CMIP: variants seen among roughly 807,000 people sequenced by gnomAD.
CMIP encodes the protein c-Maf inducing protein.
A neutral mutation model predicts 97.3 loss-of-function variants in CMIP; 13 were observed. The ratio of observed to expected loss-of-function variants is 0.13; its 90% CI spans 0.09 to 0.21. The LOEUF (loss-of-function observed/expected upper bound fraction) is 0.21, where lower values mean the gene tolerates loss of function less well. Ranked by LOEUF, CMIP falls within the 10% of genes least tolerant of loss-of-function variation. The probability of loss-of-function intolerance (pLI) is 1.00; values close to 1 mark genes in which losing one functional copy is unlikely to be tolerated. For missense variants in CMIP, 847 were observed against 1,024.9 expected (o/e 0.83, Z 2.37); for synonymous variants, 538 against 436.3 (o/e 1.23, Z -2.91).
intron 9 of CMIP, among the ~76,000 whole-genome samples, chr16:81,675,466 C>T (rs898360756): frequency 1.3e-5 from 2 of 151,852 alleles, no homozygotes; most frequent in Non-Finnish European, 2.9e-5. Flanking sequence ...TGAAATGCCC[C>T]CCTTAGCCTC....
intron 1 of CMIP, among the ~76,000 whole-genome samples, chr16:81,479,106 G>T (rs969475909): frequency 1.3e-5 from 2 of 152,154 alleles, no homozygotes; most frequent in African/African-American, 2.4e-5. Context: ...GTTTTTCCTG[G>T]GGGGAGGGGG....
At chr16:81,565,536 C>T (rs1055057942) in intron 1 of CMIP, among the ~76,000 whole-genome samples, 2 of 152,242 alleles carry the variant, frequency 1.3e-5, no homozygotes, top group African/African-American at 2.4e-5. Context: ...CCAGTCTTCA[C>T]ATCCCCCAGA....
In CMIP at chr16:81,709,834, C is replaced by A. The variant is rs542882672; in HGVS notation, c.*35C>A. 1.2e-5 allele frequency: 19 copies of A among 1,611,780 alleles called. No individual in the cohort carries two copies. The highest frequency in any genetic ancestry group is 6.6e-5 in the South Asian group (6 of 90,850). ...CTCAAGGCAGGAAGACGTTTGCAAC[C>A]GCGACAAAATAACTCTTGACTAACA... On this transcript the variant is annotated 3_prime_UTR_variant, in exon 21 of 21. Transcript: ENST00000537098.
At chr16:81,568,252 C>G (rs1196264402) in intron 1 of CMIP, among the ~76,000 whole-genome samples, 1 of 151,998 alleles carries the variant, frequency 6.6e-6, no homozygotes, top group African/African-American at 2.4e-5. Flanking sequence ...CTGGCCTCAC[C>G]CTTGGCTCTG....
rs571580191 is a variant in CMIP, at chr16:81,508,665, T to TG, written c.300+63124_300+63125insG. The stretch of plus-strand genomic sequence containing the variant: ...AGGTTATGCACCTCTGGAATATTGA[T>TG]AGGTATTTACAGACTGCATTGGGAG... On this transcript the variant is annotated intron_variant, in intron 1 of 20. Coordinates refer to ENST00000537098, the MANE Select transcript of CMIP (RefSeq NM_198390.3). 2.8e-3 allele frequency among the ~76,000 whole-genome samples: 434 copies of TG among 152,344 alleles called. 1 individual carries two copies. The highest frequency in any genetic ancestry group is 9.9e-3 in the African/African-American group (411 of 41,584).
At chr16:81,635,747 G>A (rs140965723) in intron 3 of CMIP, among the ~76,000 whole-genome samples, 64 of 152,234 alleles carry the variant, frequency 4.2e-4, no homozygotes, top group African/African-American at 1.5e-3. Context: ...TATAAATAAG[G>A]AGTTTTCAGG....
At chr16:81,475,940 T>G (rs939353940) in intron 1 of CMIP, 3 of 420,236 alleles carry the variant, frequency 7.1e-6, no homozygotes, top group Non-Finnish European at 1.3e-5. Context: ...TGAGCTGAGA[T>G]TGCTCCACTG....
chr16:81,648,880 G>A (rs74833051), intron 3 of CMIP, among the ~76,000 whole-genome samples: 3,769 of 146,206 alleles, frequency 0.026, 142 homozygotes, highest in African/African-American at 0.084. Flanking sequence ...CTTTAGGAAC[G>A]TCAACTCTGA....
At position 81,649,055 on chromosome 16, in the gene CMIP, A is replaced by G. The variant is rs144423642; in HGVS notation, c.478-3148A>G. Among the ~76,000 whole-genome samples, 3 of 152,148 alleles carry G rather than the reference A, an allele frequency of 2.0e-5. No homozygotes were observed. The East Asian group carries it at 5.8e-4, about 29-fold the overall frequency. Reference sequence around the variant, plus strand: ...CTGTTCCCTCTCAGATCAGTAAGCCATTTGCACTCAGTCCCTTGTCTCAGG... The same window carrying G: ...CTGTTCCCTCTCAGATCAGTAAGCCGTTTGCACTCAGTCCCTTGTCTCAGG... On this transcript the variant is annotated intron_variant, in intron 3 of 20. Coordinates refer to ENST00000537098, the MANE Select transcript of CMIP (RefSeq NM_198390.3).
Position 81,476,235 on chromosome 16 carries a change from G to A in CMIP, c.300+30694G>A, listed in dbSNP as rs189080763. ...CAGCATTTGCCATGGACAAGATGCC[G>A]GGACCTGTATGCTTTAGGATGAAGT... On this transcript the variant is annotated intron_variant, in intron 1 of 20. Coordinates refer to ENST00000537098, the MANE Select transcript of CMIP (RefSeq NM_198390.3). The A allele has an allele frequency of 4.2e-4, 614 of 1,451,974 alleles. 3 individuals carry two copies. In the African/African-American group the frequency reaches 7.1e-3, roughly 17 times the overall value. 89.9% of individuals were successfully genotyped at this position (1,451,974 alleles called of 1,614,324 possible). A position where few individuals can be genotyped will look rare whatever the true frequency, so the allele number is the denominator to read the frequency against.
intron 17 of CMIP, among the ~76,000 whole-genome samples, chr16:81,703,606 C>T (rs1372964911): frequency 7.5e-6 from 1 of 132,658 alleles, no homozygotes; most frequent in African/African-American, 2.6e-5. Context: ...TACAGGCACA[C>T]ACACACAGAC....
chr16:81,512,120 T>A lies in CMIP; in HGVS notation c.300+66579T>A, dbSNP rs555838486. ...ATTGATTTCACCTGTTTTACTTTTTTAAAATGTGGCTACTAGAATATTTAG... is the reference window on the plus strand; with the variant it reads ...ATTGATTTCACCTGTTTTACTTTTTAAAAATGTGGCTACTAGAATATTTAG... On this transcript the variant is annotated intron_variant, in intron 1 of 20. Transcript: ENST00000537098. Among the ~76,000 whole-genome samples, 100 of 152,382 alleles carry A rather than the reference T, an allele frequency of 6.6e-4. 1 individual carries two copies. In the South Asian group the frequency reaches 0.015, roughly 22 times the overall value.
chr16:81,472,928 A>T (rs1907646767), intron 1 of CMIP, among the ~76,000 whole-genome samples: 1 of 152,028 alleles, frequency 6.6e-6, no homozygotes, highest in African/African-American at 2.4e-5. Flanking sequence ...CTGCCCAGTG[A>T]GTGTGTGAGG....
rs1567546061 is a variant in CMIP, at chr16:81,500,252, T to TTCCGTCCTTCCTTCCG, written c.300+54726_300+54727insGTCCGTCCTTCCTTCC. On this transcript the variant is annotated intron_variant, in intron 1 of 20. Transcript: ENST00000537098. Reference sequence around the variant, plus strand: ...TCTTTATCAAAATTTCCTTCCTTCCTTCCGTCCTTCCTTCCTTCCGTCCTT... The same window carrying TTCCGTCCTTCCTTCCG: ...TCTTTATCAAAATTTCCTTCCTTCCTTCCGTCCTTCCTTCCGTCCGTCCTTCCTTCCTTCCGTCCTT... 1.4e-3 allele frequency among the ~76,000 whole-genome samples: 208 copies of TTCCGTCCTTCCTTCCG among 144,016 alleles called. 3 individuals carry two copies. The highest frequency in any genetic ancestry group is 5.1e-3 in the African/African-American group (197 of 38,656). 94.5% of individuals were successfully genotyped at this position (144,016 alleles called of 152,430 possible).
At chr16:81,509,323 C>T (rs17674645) in intron 1 of CMIP, among the ~76,000 whole-genome samples, 30,041 of 152,144 alleles carry the variant, frequency 0.2, 3,621 homozygotes, top group Admixed American at 0.31. Flanking sequence ...TGCTGATGTG[C>T]CCTCAGCCTG....
chr16:81,483,621 C>G (rs956865287), intron 1 of CMIP, among the ~76,000 whole-genome samples: 2 of 150,884 alleles, frequency 1.3e-5, no homozygotes, highest in African/African-American at 4.9e-5. Flanking sequence ...CCCTGACCCT[C>G]CCCCAGCTGC....
At chr16:81,497,509 A>G in intron 1 of CMIP, among the ~76,000 whole-genome samples, 1 of 152,186 alleles carries the variant, frequency 6.6e-6, no homozygotes, top group Admixed American at 6.5e-5. Context: ...AAGCAAGGCG[A>G]CTGTCTCATT....
intron 1 of CMIP, among the ~76,000 whole-genome samples, chr16:81,564,203 A>T (rs1312931250): frequency 2.0e-5 from 3 of 152,228 alleles, no homozygotes; most frequent in Admixed American, 6.5e-5. Flanking sequence ...CACACAGGCA[A>T]GGAAGCTGGG....
chr16:81,696,611 C>T lies in CMIP; in HGVS notation c.1582C>T (p.Leu528Phe), dbSNP rs1906746694. 6.2e-7 allele frequency: 1 copy of T among 1,607,078 alleles called. No individual in the cohort carries two copies. The highest frequency in any genetic ancestry group is 8.5e-7 in the Non-Finnish European group (1 of 1,179,854). The stretch of plus-strand genomic sequence containing the variant: ...GGCCGGCAAAGATGGCTGGTTCCAG[C>T]TCTACAGCCCCGGAGGGGTGGCCTG... ...VRAGKDGWFQ[L>F]YSPGGVACDD... Residue 528 changes from leucine to phenylalanine, a missense_variant, in exon 14 of 21, where the codon CTC becomes TTC. Around this residue, in one of 4 missense-constraint regions of CMIP, gnomAD observed 266 missense variants for 384.2 expected, o/e 0.69. Transcript: ENST00000537098.
Sources: allele counts gnomAD v4.1 joint callset (sites outside exome capture counted in the v4.1 genomes callset), GRCh38; gene constraint gnomAD v4.1.1; regional missense constraint gnomAD v4.1.1; transcripts MANE v1.5; gene names NCBI Gene and HGNC (gene_info 2026-07-23, HGNC 2026-07-21).